Variants in UQCC1 observed in about 807,000 individuals in gnomAD.
UQCC1 encodes bFGF-repressed Zic-binding protein.
A neutral mutation model predicts 48.0 loss-of-function variants in UQCC1; 38 were observed. That is an observed-to-expected ratio of 0.79 (90% CI 0.61 to 1.04). The LOEUF (loss-of-function observed/expected upper bound fraction) is 1.04, where lower values mean the gene tolerates loss of function less well. Ranked by LOEUF, UQCC1 falls within the 50% of genes least tolerant of loss-of-function variation. The pLI is 0.00. For synonymous variants in UQCC1, 111 were observed against 129.2 expected (o/e 0.86, Z 0.95); for missense variants, 368 against 381.8 (o/e 0.96, Z 0.30).
intron 6 of UQCC1, among the ~76,000 whole-genome samples, chr20:35,360,232 C>G (rs549408042): frequency 2.0e-5 from 3 of 152,238 alleles, no homozygotes; most frequent in Admixed American, 6.5e-5. Flanking sequence ...GTGCACATGG[C>G]CAGGGCTCAC....
chr20:35,377,540 G>T (rs2061816318), intron 4 of UQCC1, among the ~76,000 whole-genome samples: 1 of 152,182 alleles, frequency 6.6e-6, no homozygotes, highest in Non-Finnish European at 1.5e-5. Flanking sequence ...ATAACTCAGT[G>T]CCTGGCACTG....
intron 6 of UQCC1, among the ~76,000 whole-genome samples, chr20:35,348,896 C>T (rs1433491206): frequency 1.3e-5 from 2 of 152,182 alleles, no homozygotes; most frequent in East Asian, 1.9e-4. Flanking sequence ...CTCAAGACTT[C>T]CTCCCACTTT....
intron 6 of UQCC1, among the ~76,000 whole-genome samples, 193 bp from the exon 7 acceptor site, chr20:35,347,465 T>C (rs2061444239): frequency 6.6e-6 from 1 of 152,056 alleles, no homozygotes; most frequent in Non-Finnish European, 1.5e-5. Context: ...TTAAGTGTAC[T>C]GCCTGATAAA....
intron 4 of UQCC1, among the ~76,000 whole-genome samples, chr20:35,376,514 C>T (rs1372455053): frequency 1.3e-5 from 2 of 152,106 alleles, no homozygotes; most frequent in Non-Finnish European, 2.9e-5. Flanking sequence ...GGACAAATTC[C>T]TTGAAAGATA....
At chr20:35,377,971 T>C (rs1022640838) in intron 4 of UQCC1, among the ~76,000 whole-genome samples, 3 of 152,200 alleles carry the variant, frequency 2.0e-5, no homozygotes, top group Admixed American at 6.5e-5. Flanking sequence ...TGAGCCATTT[T>C]CCTGGACAAA....
chr20:35,370,056 C>T (rs1336968752), intron 5 of UQCC1, among the ~76,000 whole-genome samples: 2 of 152,136 alleles, frequency 1.3e-5, no homozygotes, highest in East Asian at 1.9e-4. Flanking sequence ...GCAGTGTACT[C>T]ATCAGTGCAA....
chr20:35,394,143 A>G lies in UQCC1; in HGVS notation c.78T>C (p.Pro26=). 6.2e-7 allele frequency: 1 copy of G among 1,614,120 alleles called. No individual in the cohort carries two copies. The highest frequency in any genetic ancestry group is 1.1e-5 in the South Asian group (1 of 91,078). The change falls in exon 2 of 10, where the codon CCT becomes CCC. Residue 26 remains proline (P), a synonymous_variant. Transcript: ENST00000374385. The part of the protein sequence containing the change: ...QWVPVCSRLI[P]VSPTQGQGDR... ...CCCCCTGTCCTTGGGTAGGAGACAC[A>G]GGTATCAATCGGCTGCATACTGGAA...
intron 7 of UQCC1, among the ~76,000 whole-genome samples, chr20:35,319,615 C>T (rs917358320): frequency 4.0e-5 from 6 of 151,818 alleles, no homozygotes; most frequent in African/African-American, 1.5e-4. Flanking sequence ...GTTTATGTCC[C>T]AGGGGAAACA....
Position 35,371,296 on chromosome 20 carries a change from A to G in UQCC1, c.406+2888T>C, listed in dbSNP as rs865926093. ...AATTTCTGAGTTATTTATTGAATCA[A>G]ATATAAAATAGACATTAAATAGACA... On this transcript the variant is annotated intron_variant, in intron 5 of 9. Transcript: ENST00000374385. 3.3e-5 allele frequency among the ~76,000 whole-genome samples: 5 copies of G among 152,242 alleles called. No homozygotes were observed. In the South Asian group the frequency reaches 1.0e-3, roughly 32 times the overall value.
At chr20:35,333,169 T>C (rs2061276432) in intron 7 of UQCC1, among the ~76,000 whole-genome samples, 1 of 152,226 alleles carries the variant, frequency 6.6e-6, no homozygotes, top group Non-Finnish European at 1.5e-5. Context: ...GCTTGTGACT[T>C]ACTATGGCGG....
At chr20:35,362,121 C>G (rs557340898) in intron 6 of UQCC1, among the ~76,000 whole-genome samples, 1 of 152,126 alleles carries the variant, frequency 6.6e-6, no homozygotes, top group African/African-American at 2.4e-5. Flanking sequence ...AGAGATAATA[C>G]CTGAATTGGA....
intron 1 of UQCC1, among the ~76,000 whole-genome samples, chr20:35,398,000 G>A (rs1168648540): frequency 6.6e-6 from 1 of 152,170 alleles, no homozygotes; most frequent in East Asian, 1.9e-4. Flanking sequence ...CACCACTCAT[G>A]TAGGTATATC....
intron 7 of UQCC1, among the ~76,000 whole-genome samples, chr20:35,330,664 C>T (rs537499199): frequency 2.1e-4 from 32 of 152,340 alleles, no homozygotes; most frequent in African/African-American, 7.5e-4. Context: ...TCCCTTTGAA[C>T]TGAGGCTATT....
chr20:35,367,836 G>A (rs952570669), intron 5 of UQCC1, among the ~76,000 whole-genome samples: 1 of 152,226 alleles, frequency 6.6e-6, no homozygotes, highest in African/African-American at 2.4e-5. Context: ...GAATAAGAAA[G>A]CATATTGTAC....
At chr20:35,345,861 C>T (rs1568670896) in intron 7 of UQCC1, 2 of 152,128 alleles carry the variant, frequency 1.3e-5, no homozygotes, top group African/African-American at 4.8e-5. Flanking sequence ...ATGACCCAGT[C>T]ATGGTTCTAC....
At chr20:35,400,596 C>T (rs1381831641) in intron 1 of UQCC1, among the ~76,000 whole-genome samples, 2 of 151,248 alleles carry the variant, frequency 1.3e-5, no homozygotes, top group African/African-American at 2.4e-5. Context: ...CCCAGGTTCA[C>T]GCCATTCTCC....
chr20:35,310,712 A>C (rs1373701063), intron 8 of UQCC1, among the ~76,000 whole-genome samples: 4 of 71,900 alleles, frequency 5.6e-5, no homozygotes, highest in African/African-American at 2.9e-4. Flanking sequence ...TTTTTTTTTG[A>C]GATGGAGTCT....
chr20:35,325,333 A>C (rs1472474304), intron 7 of UQCC1, among the ~76,000 whole-genome samples: 1 of 152,272 alleles, frequency 6.6e-6, no homozygotes, highest in Non-Finnish European at 1.5e-5. Context: ...GAATGGTTAA[A>C]ATGATAAATA....
At chr20:35,374,690 TAC>T (rs1475708063) in intron 4 of UQCC1, among the ~76,000 whole-genome samples, 3 of 152,188 alleles carry the variant, frequency 2.0e-5, no homozygotes, top group African/African-American at 7.2e-5. Flanking sequence ...TCAGAGGCAC[TAC>T]TATCTATTCT....
Sources: allele counts gnomAD v4.1 joint callset (sites outside exome capture counted in the v4.1 genomes callset), GRCh38; gene constraint gnomAD v4.1.1; transcripts MANE v1.5; gene names NCBI Gene and HGNC (gene_info 2026-07-23, HGNC 2026-07-21).